Variants in TPTE2 observed in about 807,000 individuals in gnomAD.
TPTE2 encodes transmembrane phosphoinositide 3-phosphatase and tensin homolog 2, also known as phosphatidylinositol 3,4,5-trisphosphate 3-phosphatase TPTE2.
TPTE2 carries 53 observed loss-of-function variants against 78.6 expected under a neutral mutation model. That is an observed-to-expected ratio of 0.67 (90% CI 0.54 to 0.85). TPTE2 has a LOEUF of 0.85. Ranked by LOEUF, TPTE2 falls within the 40% of genes least tolerant of loss-of-function variation. The probability of loss-of-function intolerance (pLI) is 0.00; values close to 1 mark genes in which losing one functional copy is unlikely to be tolerated. For synonymous variants in TPTE2, 175 were observed against 206.2 expected (o/e 0.85, Z 1.30); for missense variants, 461 against 623.0 (o/e 0.74, Z 2.77).
At chr13:19,505,762 T>G (rs921645696), upstream of TPTE2, 1 of 152,066 alleles carries the variant, frequency 6.6e-6, no homozygotes, top group African/African-American at 2.4e-5. Flanking sequence ...ACCTCCTCAT[T>G]GCTCCAAATA....
chr13:19,424,634 G>A (rs1228083810), intron 19 of TPTE2, among the ~76,000 whole-genome samples: 7 of 152,152 alleles, frequency 4.6e-5, no homozygotes, highest in African/African-American at 7.2e-5. Flanking sequence ...TACTGAAGGT[G>A]CTGAGCAGAC....
chr13:19,471,947 C>T (rs1281918358), intron 6 of TPTE2, among the ~76,000 whole-genome samples: 1 of 152,088 alleles, frequency 6.6e-6, no homozygotes, highest in Non-Finnish European at 1.5e-5. Context: ...ATACACTGTT[C>T]TAGGGTAAAT....
chr13:19,469,291 A>AATG (rs1879465495), intron 6 of TPTE2, among the ~76,000 whole-genome samples: 1 of 152,106 alleles, frequency 6.6e-6, no homozygotes, highest in Non-Finnish European at 1.5e-5. Flanking sequence ...TCTTTTGTTC[A>AATG]ATGTATGCTC....
Position 19,424,650 on chromosome 13 carries a change from T to C in TPTE2, c.1466+297A>G, listed in dbSNP as rs527325608. Reference sequence around the variant, plus strand: ...ACTGAAGGTGCTGAGCAGACTCATATTGAACTTCTCTGGGAGGAATTTACT... The same window carrying C: ...ACTGAAGGTGCTGAGCAGACTCATACTGAACTTCTCTGGGAGGAATTTACT... On this transcript the variant is annotated intron_variant, in intron 19 of 19. Transcript: ENST00000400230. 9.8e-5 allele frequency among the ~76,000 whole-genome samples: 15 copies of C among 152,338 alleles called. No homozygotes were observed. In the South Asian group the frequency reaches 2.9e-3, roughly 29 times the overall value.
At chr13:19,481,230 CATT>C (rs1880334531) in intron 4 of TPTE2, among the ~76,000 whole-genome samples, 1 of 152,158 alleles carries the variant, frequency 6.6e-6, no homozygotes, top group South Asian at 2.1e-4. Flanking sequence ...TGAACTCTTA[CATT>C]ATTTTCAGTT....
At chr13:19,481,217 T>C (rs140356324) in intron 4 of TPTE2, among the ~76,000 whole-genome samples, 3,200 of 152,316 alleles carry the variant, frequency 0.021, 107 homozygotes, top group African/African-American at 0.073. Flanking sequence ...GATTTTCCTT[T>C]AATGAACTCT....
At chr13:19,488,454 T>A (rs990870564) in intron 3 of TPTE2, among the ~76,000 whole-genome samples, 4 of 152,214 alleles carry the variant, frequency 2.6e-5, no homozygotes, top group Non-Finnish European at 5.9e-5. Context: ...AATCTGTTGT[T>A]TAGTTTGGCC....
At chr13:19,534,082 C>T (rs886250396) in intron 1 of TPTE2, among the ~76,000 whole-genome samples, 10 of 152,284 alleles carry the variant, frequency 6.6e-5, no homozygotes, top group African/African-American at 2.4e-4. Flanking sequence ...AGTCAAGTGC[C>T]TTTAATACAC....
upstream of TPTE2, chr13:19,536,802 T>C (rs555341017): frequency 4.6e-4 from 70 of 152,140 alleles, no homozygotes; most frequent in African/African-American, 1.6e-3. Context: ...CAAGAGGTTT[T>C]TTTGGGGGGG....
chr13:19,561,261 G>A, the TPTE2 span: 12 of 1,260,402 alleles, frequency 9.5e-6, no homozygotes, highest in Non-Finnish European at 1.3e-5. Context: ...TGGACATGGC[G>A]CTGGTCACCT....
chr13:19,539,468 C>T (rs34576896), upstream of TPTE2, among the ~76,000 whole-genome samples: 133 of 152,278 alleles, frequency 8.7e-4, no homozygotes, highest in African/African-American at 3.1e-3. Context: ...GCTTCTCCTT[C>T]GCTTTCTGAT....
the TPTE2 span, among the ~76,000 whole-genome samples, chr13:19,554,677 A>C: frequency 6.6e-6 from 1 of 152,204 alleles, no homozygotes; most frequent in Admixed American, 6.5e-5. Flanking sequence ...TCTATCCTTC[A>C]GCTTACCTCT....
At chr13:19,453,693 C>T (rs1042890953) in intron 10 of TPTE2, among the ~76,000 whole-genome samples, 2 of 151,922 alleles carry the variant, frequency 1.3e-5, no homozygotes, top group African/African-American at 4.8e-5. Context: ...TTCAACTCTG[C>T]CAAGAATCTA....
intron 13 of TPTE2, among the ~76,000 whole-genome samples, chr13:19,439,720 C>T (rs1877363963): frequency 6.6e-6 from 1 of 152,052 alleles, no homozygotes; most frequent in South Asian, 2.1e-4. Context: ...CTACATCAAT[C>T]CAGGAAATGA....
intron 1 of TPTE2, among the ~76,000 whole-genome samples, chr13:19,511,834 T>C (rs1357978714): frequency 1.3e-5 from 2 of 151,246 alleles, no homozygotes; most frequent in African/African-American, 2.4e-5. Flanking sequence ...ATGATACTTA[T>C]TAAACACAGA....
chr13:19,440,773 A>C (rs1320781862), intron 13 of TPTE2, among the ~76,000 whole-genome samples: 1 of 151,828 alleles, frequency 6.6e-6, no homozygotes, highest in African/African-American at 2.4e-5. Context: ...TCTCAAAAAC[A>C]AACAAGCAAA....
chr13:19,478,378 G>C (rs1347703404), intron 4 of TPTE2, among the ~76,000 whole-genome samples: 1 of 152,292 alleles, frequency 6.6e-6, no homozygotes, highest in East Asian at 1.9e-4. Flanking sequence ...CTCAAAAGAA[G>C]ACATTTATGC....
At chr13:19,479,699 C>T (rs1234701637) in intron 4 of TPTE2, among the ~76,000 whole-genome samples, 7 of 152,096 alleles carry the variant, frequency 4.6e-5, no homozygotes, top group Non-Finnish European at 8.8e-5. Flanking sequence ...CGCGGTGGCT[C>T]ACGCCTGTAA....
At chr13:19,428,200 G>A (rs1876289280) in intron 17 of TPTE2, among the ~76,000 whole-genome samples, 1 of 152,224 alleles carries the variant, frequency 6.6e-6, no homozygotes, top group South Asian at 2.1e-4. Context: ...TGTAATCCCA[G>A]CACTTTGGGA....
Sources: allele counts gnomAD v4.1 joint callset (sites outside exome capture counted in the v4.1 genomes callset), GRCh38; gene constraint gnomAD v4.1.1; transcripts MANE v1.5; gene names NCBI Gene and HGNC (gene_info 2026-07-23, HGNC 2026-07-21).